Variants in ILDR2 observed in about 807,000 individuals in gnomAD.
ILDR2 encodes immunoglobulin-like domain-containing receptor 2.
ILDR2 carries 25 observed loss-of-function variants against 66.8 expected under a neutral mutation model. That is an observed-to-expected ratio of 0.37 (90% CI 0.27 to 0.52). The LOEUF (loss-of-function observed/expected upper bound fraction) is 0.52, where lower values mean the gene tolerates loss of function less well. Among genes scored for constraint, ILDR2 ranks in the 20% least tolerant of loss-of-function variants. The pLI, the probability that ILDR2 is intolerant of heterozygous loss-of-function variation, is 0.88. For missense variants in ILDR2, 827 were observed against 876.8 expected (o/e 0.94, Z 0.72); for synonymous variants, 367 against 357.2 (o/e 1.03, Z -0.31).
At chr1:166,900,802 G>A (rs1049142525) in intron 2 of ILDR2, among the ~76,000 whole-genome samples, 1 of 152,222 alleles carries the variant, frequency 6.6e-6, no homozygotes, top group Non-Finnish European at 1.5e-5. Context: ...AAAAATAGAT[G>A]AAAGTGTAGA....
Position 166,921,181 on chromosome 1 carries a change from C to T in ILDR2, c.1410G>A (p.Gln470=). 1 of 1,565,826 alleles carries T rather than the reference C, an allele frequency of 6.4e-7. No homozygotes were observed. The highest frequency in any genetic ancestry group is 1.2e-5 in the South Asian group (1 of 86,798). ...SESRAHSGFY[Q]DDSLEEYYGQ... ...CGTAGTACTCCTCCAAGGAGTCGTC[C>T]TGGTAGAAGCCGCTGTGCGCCCGCG... The change falls in exon 9 of 10, where the codon CAG becomes CAA. Residue 470 remains glutamine, a synonymous_variant. Transcript: ENST00000271417. This position sits in a 1 kb window ranked among gnomAD's most constrained non-coding sequence, Gnocchi z 5.3.
At position 166,927,189 on chromosome 1, in the gene ILDR2, A is replaced by G. The variant is rs777592933; in HGVS notation, c.881-9T>C. ...CCGGTAACCTTTGCGAACTGTTGAGAAAAGCACAAGAAGGTGAGCTGAAAA... is the reference window on the plus strand; with the variant it reads ...CCGGTAACCTTTGCGAACTGTTGAGGAAAGCACAAGAAGGTGAGCTGAAAA... On this transcript the variant is annotated splice_polypyrimidine_tract_variant and intron_variant, in intron 6 of 9. Transcript: ENST00000271417. 1 of 1,591,064 alleles carries G rather than the reference A, an allele frequency of 6.3e-7. No homozygotes were observed. The highest frequency in any genetic ancestry group is 1.3e-5 in the African/African-American group (1 of 74,326).
chr1:166,898,723 A>G (rs985921570), intron 2 of ILDR2, among the ~76,000 whole-genome samples: 1 of 151,974 alleles, frequency 6.6e-6, no homozygotes, highest in Non-Finnish European at 1.5e-5. Context: ...TTTTCCTAAC[A>G]AATATTTGGG....
intron 1 of ILDR2, among the ~76,000 whole-genome samples, chr1:166,973,623 C>T (rs902259822): frequency 6.6e-5 from 9 of 136,874 alleles, no homozygotes; most frequent in African/African-American, 2.3e-4. Flanking sequence ...CCCCCCCCCC[C>T]CCGATGCCTG....
Position 166,921,528 on chromosome 1 carries a change from A to C in ILDR2, c.1212-149T>G, listed in dbSNP as rs1659942703. ...CGCTCCAGGCTGGATGAAGCATTCC[A>C]GGCTCCTCTCACACCCCAGAACGTC... is the stretch of plus-strand genomic sequence containing the variant. On this transcript the variant is annotated intron_variant, in intron 8 of 9. Coordinates refer to ENST00000271417, the MANE Select transcript of ILDR2 (RefSeq NM_199351.3). This position sits in a 1 kb window ranked among gnomAD's most constrained non-coding sequence, Gnocchi z 5.3. 1 of 658,462 alleles carries C rather than the reference A, an allele frequency of 1.5e-6. No individual in the cohort carries two copies. The highest frequency in any genetic ancestry group is 2.5e-6 in the Non-Finnish European group (1 of 398,712). The allele number at this position is 658,462 out of a possible 1,614,324, so 40.8% of individuals were successfully genotyped here. A position where few individuals can be genotyped will look rare whatever the true frequency, so the allele number is the denominator to read the frequency against.
chr1:166,921,424 G>A lies in ILDR2; in HGVS notation c.1212-45C>T. On this transcript the variant is annotated intron_variant, in intron 8 of 9. Transcript: ENST00000271417. This position sits in a 1 kb window ranked among gnomAD's most constrained non-coding sequence, Gnocchi z 5.3. ...GGGTCAGACGGCCGGTCCCTCCCTG[G>A]AGCTCCAGGTAGGGCTCCCAAGAGC... 1 of 1,480,894 alleles carries A rather than the reference G, an allele frequency of 6.8e-7. No homozygotes were observed. The highest frequency in any genetic ancestry group is 9.0e-7 in the Non-Finnish European group (1 of 1,106,420). The allele number at this position is 1,480,894 out of a possible 1,614,324, so 91.7% of individuals were successfully genotyped here. A position where few individuals can be genotyped will look rare whatever the true frequency, so the allele number is the denominator to read the frequency against.
At position 166,921,325 on chromosome 1, in the gene ILDR2, C is replaced by A; in HGVS notation, c.1266G>T (p.Val422=). 6.3e-7 allele frequency: 1 copy of A among 1,588,118 alleles called. No homozygotes were observed. The change falls in exon 9 of 10, where the codon GTG becomes GTT. Residue 422 remains valine (V), a synonymous_variant. Transcript: ENST00000271417. The surrounding 1 kb of genome is among the most constrained non-coding windows in gnomAD (Gnocchi z 5.3). The part of the protein sequence containing the change: ...MLSRKNFATG[V]PAVSMDELAA... ...CCAGCTCGTCCATGGAAACGGCCGG[C>A]ACCCCCGTGGCGAAGTTCTTCCGCG...
chr1:166,911,845 G>T lies in ILDR2; in HGVS notation c.*7510C>A, dbSNP rs1659480833. Reference sequence around the variant, plus strand: ...AAGAAATTTACCTGAATAGGGAATAGAAAACACAGAGAGAGGAAATACAAA... The same window carrying T: ...AAGAAATTTACCTGAATAGGGAATATAAAACACAGAGAGAGGAAATACAAA... On this transcript the variant is annotated 3_prime_UTR_variant, in exon 10 of 10. Transcript: ENST00000271417. 6.6e-6 allele frequency: 1 copy of T among 151,926 alleles called. No homozygotes were observed. The highest frequency in any genetic ancestry group is 2.4e-5 in the African/African-American group (1 of 41,386). 9.4% of individuals were successfully genotyped at this position (151,926 alleles called of 1,614,324 possible). A position where few individuals can be genotyped will look rare whatever the true frequency, so the allele number is the denominator to read the frequency against.
At position 166,913,463 on chromosome 1, in the gene ILDR2, T is replaced by C. The variant is rs919959820; in HGVS notation, c.*5892A>G. ...GTGTCTAATACTTTTGTTAATAAAA[T>C]GGCTTTTCCTTAAAGCCAAGGTAAA... On this transcript the variant is annotated 3_prime_UTR_variant, in exon 10 of 10. Transcript: ENST00000271417. 5.3e-5 allele frequency: 8 copies of C among 152,202 alleles called. No homozygotes were observed. The highest frequency in any genetic ancestry group is 1.9e-4 in the African/African-American group (8 of 41,454). The allele number at this position is 152,202 out of a possible 1,614,324, so 9.4% of individuals were successfully genotyped here. A position where few individuals can be genotyped will look rare whatever the true frequency, so the allele number is the denominator to read the frequency against.
rs10918598 is a variant in ILDR2 at position 166,949,183 on chromosome 1, G to T, written c.499+7550C>A. Among the ~76,000 whole-genome samples, 3,232 of 152,320 alleles carry T rather than the reference G, an allele frequency of 0.021. 292 individuals carry two copies. In the East Asian group the frequency reaches 0.29, roughly 14 times the overall value. ...CTTGCATATTGTAGAATGCTTAGCA[G>T]CCTCCCTAGTCTCTACCCACTAGAT... On this transcript the variant is annotated intron_variant, in intron 3 of 9. Transcript: ENST00000271417.
intron 5 of ILDR2, among the ~76,000 whole-genome samples, chr1:166,935,686 A>G (rs1001948362): frequency 4.7e-4 from 72 of 152,168 alleles, no homozygotes; most frequent in Non-Finnish European, 9.4e-4. Flanking sequence ...CGGCAACGAC[A>G]AAAGGAATTA....
Position 166,909,034 on chromosome 1 carries a change from T to C in ILDR2, c.*10321A>G, listed in dbSNP as rs1659405271. 6.6e-6 allele frequency: 1 copy of C among 152,242 alleles called. No homozygotes were observed. Among genetic ancestry groups the C allele is most frequent in the African/African-American group, 2.4e-5 (1 of 41,456 alleles). The allele number at this position is 152,242 out of a possible 1,614,324, so 9.4% of individuals were successfully genotyped here. ...CTATTAATAACAACTCTCTTCTCTC[T>C]TTGGAGAAATCTTCCTATCCCACTA... is the stretch of plus-strand genomic sequence containing the variant. On this transcript the variant is annotated 3_prime_UTR_variant, in exon 10 of 10. Coordinates refer to ENST00000271417, the MANE Select transcript of ILDR2 (RefSeq NM_199351.3).
chr1:166,932,181 A>G (rs1660679188), intron 6 of ILDR2, among the ~76,000 whole-genome samples: 3 of 152,266 alleles, frequency 2.0e-5, no homozygotes, highest in Non-Finnish European at 4.4e-5. Context: ...TGAGCGCCTC[A>G]GAGTGGCAAA....
Position 166,919,175 on chromosome 1 carries a change from C to G in ILDR2, c.*180G>C. 1 of 597,234 alleles carries G rather than the reference C, an allele frequency of 1.7e-6. No homozygotes were observed. The highest frequency in any genetic ancestry group is 2.1e-5 in the South Asian group (1 of 47,652). 37.0% of individuals were successfully genotyped at this position (597,234 alleles called of 1,614,324 possible). ...AAGCTTCTCAAACTAGTTAGATGGGCACAGAGGTTTGAAATCAGCCTCCCT... is the reference window on the plus strand; with the variant it reads ...AAGCTTCTCAAACTAGTTAGATGGGGACAGAGGTTTGAAATCAGCCTCCCT... On this transcript the variant is annotated 3_prime_UTR_variant, in exon 10 of 10. Transcript: ENST00000271417.
In ILDR2 at chr1:166,911,273, T is replaced by G. The variant is rs1384384896; in HGVS notation, c.*8082A>C. 6.6e-6 allele frequency: 1 copy of G among 152,222 alleles called. No individual in the cohort carries two copies. The highest frequency in any genetic ancestry group is 1.5e-5 in the Non-Finnish European group (1 of 68,026). 9.4% of individuals were successfully genotyped at this position (152,222 alleles called of 1,614,324 possible). On this transcript the variant is annotated 3_prime_UTR_variant, in exon 10 of 10. Coordinates refer to ENST00000271417, the MANE Select transcript of ILDR2 (RefSeq NM_199351.3). ...TTTGTTTGCAGTCTACAGGTTGCAT[T>G]AGAAAGAAATGCACAATGCGTGTAT...
intron 3 of ILDR2, among the ~76,000 whole-genome samples, chr1:166,945,905 C>T (rs1038637664): frequency 3.3e-5 from 5 of 152,258 alleles, no homozygotes; most frequent in South Asian, 2.1e-4. Flanking sequence ...TCCCCAGCTC[C>T]GTGTGGTTCC....
chr1:166,919,217 T>C lies in ILDR2; in HGVS notation c.*138A>G. 3.9e-6 allele frequency: 3 copies of C among 777,636 alleles called. No individual in the cohort carries two copies. Among genetic ancestry groups the C allele is most frequent in the Non-Finnish European group, 6.5e-6 (3 of 458,688 alleles). The allele number at this position is 777,636 out of a possible 1,614,324, so 48.2% of individuals were successfully genotyped here. On this transcript the variant is annotated 3_prime_UTR_variant, in exon 10 of 10. Transcript: ENST00000271417. ...AGCCTCCCTTAAAGGCTGCCTGCCA[T>C]CCCTTGCCAAAGCAGAGATCAGCAA...
chr1:166,956,921 G>T, intron 2 of ILDR2, 69 bp from the exon 3 acceptor site: 1 of 1,532,894 alleles, frequency 6.5e-7, no homozygotes, highest in Non-Finnish European at 8.9e-7. Flanking sequence ...TAAACAATGG[G>T]GGTTGGGAAG....
chr1:166,912,998 C>T lies in ILDR2; in HGVS notation c.*6357G>A, dbSNP rs548942145. 2 of 152,334 alleles carry T rather than the reference C, an allele frequency of 1.3e-5. No homozygotes were observed. Among genetic ancestry groups the T allele is most frequent in the South Asian group, 4.1e-4 (2 of 4,832 alleles). 9.4% of individuals were successfully genotyped at this position (152,334 alleles called of 1,614,324 possible). On this transcript the variant is annotated 3_prime_UTR_variant, in exon 10 of 10. Transcript: ENST00000271417. Reference sequence around the variant, plus strand: ...CAGTAAGAGTGACAACAGAATTTATCTAGCTTATTACAATCTGTAAAAGCA... The same window carrying T: ...CAGTAAGAGTGACAACAGAATTTATTTAGCTTATTACAATCTGTAAAAGCA...
Sources: gnomAD v4.1 joint callset for allele counts (sites outside exome capture counted in the v4.1 genomes callset) on GRCh38, gnomAD v4.1.1 for gene constraint, Gnocchi (gnomAD v3.1) non-coding constraint, MANE v1.5 for transcripts, NCBI Gene and HGNC (gene_info 2026-07-23, HGNC 2026-07-21) for gene names.